The following PLCB1 variants were observed in gnomAD, a reference collection of about 807,000 sequenced individuals.
The protein encoded by PLCB1 is 1-phosphatidylinositol 4,5-bisphosphate phosphodiesterase beta-1.
A neutral mutation model predicts 161.8 loss-of-function variants in PLCB1; 46 were observed. The ratio of observed to expected loss-of-function variants is 0.28; its 90% confidence interval spans 0.22 to 0.36. The LOEUF (loss-of-function observed/expected upper bound fraction) is 0.36. PLCB1 is among the 10% of genes least tolerant of loss of function. PLCB1 has a pLI of 1.00. For missense variants in PLCB1, 1,016 were observed against 1,472.5 expected (o/e 0.69, Z 5.07); for synonymous variants, 517 against 503.7 (o/e 1.03, Z -0.35).
intron 12 of PLCB1, among the ~76,000 whole-genome samples, chr20:8,715,286 A>G (rs1309283149): frequency 6.6e-6 from 1 of 152,248 alleles, no homozygotes. Context: ...CATTGAAACA[A>G]TATGAATGTT....
rs1979397147 is a variant in PLCB1, at chr20:8,717,661, T to A, written c.1336-10T>A. 6.3e-7 allele frequency: 1 copy of A among 1,597,710 alleles called. No homozygotes were observed. Among genetic ancestry groups the A allele is most frequent in the South Asian group, 1.1e-5 (1 of 88,484 alleles). On this transcript the variant is annotated splice_polypyrimidine_tract_variant and intron_variant, in intron 13 of 31. Coordinates refer to ENST00000338037, the MANE Select transcript of PLCB1 (RefSeq NM_015192.4). ...GTATTTTTAAAGAATATGCCTTTCA[T>A]TTCTATTAGCTGGAATCTGGAGTTC...
At chr20:8,392,732 T>A (rs1210437259) in intron 3 of PLCB1, among the ~76,000 whole-genome samples, 1 of 152,198 alleles carries the variant, frequency 6.6e-6, no homozygotes, top group Admixed American at 6.5e-5. Flanking sequence ...GTATACCAGT[T>A]TATTCTGAGA....
chr20:8,302,667 C>T (rs1379343311), intron 2 of PLCB1, among the ~76,000 whole-genome samples: 1 of 152,094 alleles, frequency 6.6e-6, no homozygotes, highest in African/African-American at 2.4e-5. Flanking sequence ...ATCATTGCTG[C>T]TTGTATACAA....
At chr20:8,136,837 G>C (rs1002595376) in intron 1 of PLCB1, among the ~76,000 whole-genome samples, 1 of 151,986 alleles carries the variant, frequency 6.6e-6, no homozygotes, top group African/African-American at 2.4e-5. Context: ...GGTGTTTCAC[G>C]GAAAATAAGT....
chr20:8,399,886 C>G (rs1211807229), intron 3 of PLCB1, among the ~76,000 whole-genome samples: 1 of 152,100 alleles, frequency 6.6e-6, no homozygotes, highest in African/African-American at 2.4e-5. Context: ...GCCTTATAAA[C>G]TTTCATTTTT....
At chr20:8,847,030 G>A (rs573862115) in intron 31 of PLCB1, among the ~76,000 whole-genome samples, 1 of 152,254 alleles carries the variant, frequency 6.6e-6, no homozygotes, top group South Asian at 2.1e-4. Flanking sequence ...TGATGTTTTG[G>A]TCTCAGCCCC....
At chr20:8,684,229 A>ATTAATTATTTATTTAT (rs1555783089) in intron 9 of PLCB1, among the ~76,000 whole-genome samples, 3 of 145,148 alleles carry the variant, frequency 2.1e-5, no homozygotes, top group East Asian at 4.3e-4. Flanking sequence ...CCACTTGTAA[A>ATTAATTATTTATTTAT]TTATTTATTT....
At chr20:8,761,961 TA>T (rs1215040591) in intron 25 of PLCB1, among the ~76,000 whole-genome samples, 15 of 143,498 alleles carry the variant, frequency 1.0e-4, no homozygotes, top group African/African-American at 3.5e-4. Context: ...GTAATCCCAG[TA>T]CCTGGGGAGG....
chr20:8,681,160 G>A (rs1990211955), intron 9 of PLCB1, among the ~76,000 whole-genome samples: 1 of 140,194 alleles, frequency 7.1e-6, no homozygotes, highest in African/African-American at 2.6e-5. Context: ...CCTTTGACCT[G>A]GCTTTGACAA....
At chr20:8,661,200 C>T (rs1175354238) in intron 9 of PLCB1, among the ~76,000 whole-genome samples, 1 of 152,238 alleles carries the variant, frequency 6.6e-6, no homozygotes, top group East Asian at 1.9e-4. Context: ...TTCCCCAGCA[C>T]CTAGAAGATG....
At chr20:8,504,715 A>C (rs148540409) in intron 3 of PLCB1, among the ~76,000 whole-genome samples, 204 of 152,086 alleles carry the variant, frequency 1.3e-3, no homozygotes, top group African/African-American at 4.8e-3. Context: ...AAACAAAAAC[A>C]ACAACAAAAA....
At chr20:8,789,411 G>C in intron 29 of PLCB1, 107 bp from the exon 30 acceptor site, 1 of 781,608 alleles carries the variant, frequency 1.3e-6, no homozygotes, top group Non-Finnish European at 2.2e-6. Context: ...AAGGAAAAAA[G>C]AAAAAGAATG....
intron 2 of PLCB1, among the ~76,000 whole-genome samples, chr20:8,267,982 T>TATTATTATTATA (rs1467893534): frequency 1.3e-5 from 2 of 151,576 alleles, no homozygotes; most frequent in Admixed American, 6.6e-5. Context: ...TTATTATTAT[T>TATTATTATTATA]ATACTTTAAG....
chr20:8,693,819 G>A (rs1220664245), intron 10 of PLCB1, among the ~76,000 whole-genome samples: 1 of 152,188 alleles, frequency 6.6e-6, no homozygotes, highest in Non-Finnish European at 1.5e-5. Flanking sequence ...AATGTAACCA[G>A]CCACCCAAAA....
chr20:8,823,356 C>A (rs1283114052), intron 31 of PLCB1, among the ~76,000 whole-genome samples: 1 of 152,162 alleles, frequency 6.6e-6, no homozygotes, highest in Non-Finnish European at 1.5e-5. Flanking sequence ...CTCCTGACCT[C>A]AGGTGATCTG....
chr20:8,206,634 C>G (rs1978546880), intron 2 of PLCB1, among the ~76,000 whole-genome samples: 1 of 152,008 alleles, frequency 6.6e-6, no homozygotes, highest in Admixed American at 6.6e-5. Flanking sequence ...AGCTAACATA[C>G]TTTTTCATTA....
intron 7 of PLCB1, among the ~76,000 whole-genome samples, chr20:8,655,566 T>C (rs968162403): frequency 9.9e-5 from 15 of 151,976 alleles, no homozygotes; most frequent in Admixed American, 5.9e-4. Context: ...AAGTTATAAA[T>C]AGACGGGAAG....
intron 2 of PLCB1, among the ~76,000 whole-genome samples, chr20:8,347,557 G>A (rs962491579): frequency 6.6e-6 from 1 of 152,094 alleles, no homozygotes; most frequent in African/African-American, 2.4e-5. Context: ...ATTTCCATTA[G>A]TGGGGCAACC....
At chr20:8,332,470 A>G (rs965122152) in intron 2 of PLCB1, among the ~76,000 whole-genome samples, 4 of 152,244 alleles carry the variant, frequency 2.6e-5, no homozygotes, top group Non-Finnish European at 5.9e-5. Flanking sequence ...CTTGTGGCAT[A>G]TTATCAATAA....
Sources: gnomAD v4.1 joint callset for allele counts (sites outside exome capture counted in the v4.1 genomes callset) on GRCh38, gnomAD v4.1.1 for gene constraint, MANE v1.5 for transcripts, NCBI Gene and HGNC (gene_info 2026-07-23, HGNC 2026-07-21) for gene names.